The following VPS9D1 variants were observed in gnomAD, a reference collection of about 807,000 sequenced individuals.
VPS9D1 encodes the protein VPS9 domain-containing protein 1.
A neutral mutation model predicts 75.8 loss-of-function variants in VPS9D1; 78 were observed. The ratio of observed to expected loss-of-function variants is 1.03; its 90% CI spans 0.86 to 1.24. The LOEUF (loss-of-function observed/expected upper bound fraction) is 1.24, where lower values mean the gene tolerates loss of function less well. Among genes scored for constraint, VPS9D1 ranks in the 50% most tolerant of loss-of-function variants. The probability of loss-of-function intolerance (pLI) is 0.00; values close to 1 mark genes in which losing one functional copy is unlikely to be tolerated. For missense variants in VPS9D1, 1,057 were observed against 847.7 expected, an observed-to-expected ratio of 1.25 and a Z score of -3.07; for synonymous variants, 481 against 385.6, an observed-to-expected ratio of 1.25 and a Z score of -2.90.
At chr16:89,708,238 C>T (rs976125150) in intron 14 of VPS9D1, among the ~76,000 whole-genome samples, 189 bp downstream of exon 14, 5 of 152,222 alleles carry the variant, frequency 3.3e-5, no homozygotes, top group East Asian at 1.9e-4. Flanking sequence ...CTGAGCTAAG[C>T]GAAGGGCCAC....
At position 89,709,796 on chromosome 16, in the gene VPS9D1, G is replaced by C. The variant is rs145117193; in HGVS notation, c.1369C>G (p.Leu457Val). The change falls in exon 11 of 15, where the codon CTG becomes GTG. Residue 457 changes from leucine (L) to valine (V), a missense_variant. Coordinates refer to ENST00000389386, the MANE Select transcript of VPS9D1 (RefSeq NM_004913.3). ...CCATACCTGTACAGGGCCAGCAGCA[G>C]AGGCCACAGCGGGGAGAAAAAGGGT... ...EEPFFSPLWPLLLALYRSVHR... is the reference protein window; with the variant it reads ...EEPFFSPLWPVLLALYRSVHR... The C allele has an allele frequency of 7.4e-6, 12 of 1,613,710 alleles. No homozygotes were observed. In the African/African-American group the frequency reaches 1.5e-4, roughly 20 times the overall value.
At chr16:89,718,545 C>A (rs1051337930) in intron 2 of VPS9D1, among the ~76,000 whole-genome samples, 1 of 152,166 alleles carries the variant, frequency 6.6e-6, no homozygotes, top group Non-Finnish European at 1.5e-5. Context: ...CTGGTCCCTT[C>A]CTGCCACTAT....
chr16:89,716,181 A>G (rs1048253458), intron 4 of VPS9D1, among the ~76,000 whole-genome samples: 3 of 151,952 alleles, frequency 2.0e-5, no homozygotes, highest in Non-Finnish European at 2.9e-5. Context: ...CCTGGCTAAC[A>G]TGGCAAAACC....
Position 89,708,795 on chromosome 16 carries a change from C to A in VPS9D1, c.1697+62G>T, listed in dbSNP as rs912268410. The A allele has an allele frequency of 4.8e-6, 7 of 1,460,280 alleles. No homozygotes were observed. In the Admixed American group the frequency reaches 1.0e-4, roughly 21 times the overall value. 90.5% of individuals were successfully genotyped at this position (1,460,280 alleles called of 1,614,324 possible). ...TAAGGGGCAGGAAGATAGTCCCTCC[C>A]GTGACCATTGCCTTTCTAGGGCCCT... On this transcript the variant is annotated intron_variant, in intron 13 of 14. Transcript: ENST00000389386.
intron 12 of VPS9D1, 125 bp from the exon 13 acceptor site, chr16:89,709,081 G>T: frequency 4.7e-6 from 6 of 1,284,908 alleles, no homozygotes; most frequent in Non-Finnish European, 6.3e-6. Context: ...TGACCCTGGC[G>T]ATGTTGCTCA....
intron 12 of VPS9D1, 77 bp downstream of exon 12, chr16:89,709,150 A>T: frequency 6.3e-7 from 1 of 1,586,478 alleles, no homozygotes; most frequent in Non-Finnish European, 8.6e-7. Flanking sequence ...AGAGAAGCTC[A>T]GTGGTGAAGA....
At chr16:89,720,297 A>G in intron 1 of VPS9D1, 1 of 659,860 alleles carries the variant, frequency 1.5e-6, no homozygotes, top group Non-Finnish European at 1.9e-6. Context: ...AACGGGCCAC[A>G]CCCCTCCGGC....
chr16:89,707,828 C>T lies in VPS9D1; in HGVS notation c.*33G>A. 1 of 1,603,708 alleles carries T rather than the reference C, an allele frequency of 6.2e-7. No homozygotes were observed. The highest frequency in any genetic ancestry group is 1.1e-5 in the South Asian group (1 of 90,868). On this transcript the variant is annotated 3_prime_UTR_variant, in exon 15 of 15. Coordinates refer to ENST00000389386, the MANE Select transcript of VPS9D1 (RefSeq NM_004913.3). ...GAGAGACAGCCCTGGGAGGCGAGGC[C>T]AGGCCCTGCAGGGACCCTGGGCTCT... is the stretch of plus-strand genomic sequence containing the variant.
At chr16:89,711,729 C>A (rs1334801574) in intron 8 of VPS9D1, 153 bp downstream of exon 8, 3 of 983,080 alleles carry the variant, frequency 3.1e-6, no homozygotes, top group South Asian at 1.7e-5. Context: ...GCCCCGCCCC[C>A]TCACCGGGCC....
chr16:89,717,576 T>G (rs929584400), intron 2 of VPS9D1: 5 of 456,334 alleles, frequency 1.1e-5, no homozygotes, highest in African/African-American at 1.0e-4. Context: ...CTGCTGCCCT[T>G]CACAGAAAAC....
Position 89,716,468 on chromosome 16 carries a change from C to G in VPS9D1, c.425G>C (p.Cys142Ser). 1 of 1,614,058 alleles carries G rather than the reference C, an allele frequency of 6.2e-7. No homozygotes were observed. Among genetic ancestry groups the G allele is most frequent in the Non-Finnish European group, 8.5e-7 (1 of 1,180,008 alleles). The change falls in exon 4 of 15, where the codon TGT becomes TCT. Residue 142 changes from cysteine (C) to serine (S), a missense_variant. Physicochemically the swap from Cys to Ser is moderately radical, Grantham distance 112 (BLOSUM62 -1). Coordinates refer to ENST00000389386, the MANE Select transcript of VPS9D1 (RefSeq NM_004913.3). The part of the protein sequence containing the change: ...QKLQGAESQS[C>S]KKELTPLEEA... ...CCCATCTTGTCCATCTTACTTCTTA[C>G]AGCTTTGTGACTCTGCCCCCTGAAG...
intron 1 of VPS9D1, 88 bp downstream of exon 1, chr16:89,720,675 C>T (rs149705807): frequency 0.03 from 37,679 of 1,270,824 alleles, 638 homozygotes; most frequent in Middle Eastern, 0.052. Context: ...GTCTCCAGCC[C>T]GAGCCGGCCC....
chr16:89,708,814 G>T, intron 13 of VPS9D1, 43 bp downstream of exon 13: 1 of 1,520,540 alleles, frequency 6.6e-7, no homozygotes. Context: ...TGCCTTTCTA[G>T]GGCCCTTCCT....
At chr16:89,720,152 C>T (rs1031526871) in intron 1 of VPS9D1, among the ~76,000 whole-genome samples, 1 of 152,216 alleles carries the variant, frequency 6.6e-6, no homozygotes, top group Admixed American at 6.5e-5. Context: ...TAAAAACCAA[C>T]TTGGGGAAAG....
rs1044590804 is a variant in VPS9D1, at chr16:89,711,819, G to A, written c.747+63C>T. On this transcript the variant is annotated intron_variant, in intron 8 of 14. Transcript: ENST00000389386. ...GCCCCCCACGGGGGCCCACCCAGGC[G>A]GCTCTGACCCCGCCCCCCTCGCTGG... The A allele has an allele frequency of 8.0e-5, 120 of 1,500,812 alleles. 1 individual carries two copies. Among genetic ancestry groups the A allele is most frequent in the Non-Finnish European group, 1.1e-4 (119 of 1,113,322 alleles). The allele number at this position is 1,500,812 out of a possible 1,614,324, so 93.0% of individuals were successfully genotyped here.
intron 11 of VPS9D1, 76 bp from the exon 12 acceptor site, chr16:89,709,511 C>A: frequency 7.0e-7 from 1 of 1,436,182 alleles, no homozygotes; most frequent in Non-Finnish European, 9.2e-7. Flanking sequence ...GTGGCTGGAG[C>A]TCAGTCCTGG....
At chr16:89,720,233 G>T (rs928463217) in intron 1 of VPS9D1, among the ~76,000 whole-genome samples, 1 of 152,190 alleles carries the variant, frequency 6.6e-6, no homozygotes, top group Admixed American at 6.5e-5. Context: ...GCCGGGTGTG[G>T]CTGGGCCAGC....
intron 10 of VPS9D1, among the ~76,000 whole-genome samples, chr16:89,710,348 G>A (rs949799103): frequency 3.9e-5 from 6 of 152,178 alleles, no homozygotes; most frequent in Non-Finnish European, 5.9e-5. Context: ...CACTTTGGGA[G>A]GCCGGGGTGG....
intron 2 of VPS9D1, chr16:89,717,511 C>T (rs1009534037): frequency 8.8e-6 from 4 of 454,258 alleles, no homozygotes; most frequent in Non-Finnish European, 1.8e-5. Context: ...GCCGTGGGAG[C>T]TGCCTCTCTG....
Sources: allele counts gnomAD v4.1 joint callset (sites outside exome capture counted in the v4.1 genomes callset), GRCh38; gene constraint gnomAD v4.1.1; transcripts MANE v1.5; gene names NCBI Gene and HGNC (gene_info 2026-07-23, HGNC 2026-07-21).